Variants in CATSPER3 observed in about 807,000 individuals in gnomAD.
CATSPER3 encodes cation channel sperm associated 3.
In CATSPER3, 23 loss-of-function variants were observed where a neutral mutation model predicts 36.6. That is an observed-to-expected ratio of 0.63 (90% CI 0.45 to 0.89). The LOEUF is 0.89. Among genes scored for constraint, CATSPER3 ranks in the 40% least tolerant of loss-of-function variants. The pLI is 0.00. For synonymous variants in CATSPER3, 172 were observed against 184.1 expected, an observed-to-expected ratio of 0.93 and a Z score of 0.53; for missense variants, 474 against 503.9, an observed-to-expected ratio of 0.94 and a Z score of 0.57.
At chr5:135,007,112 G>C (rs188132825) in intron 3 of CATSPER3, among the ~76,000 whole-genome samples, 15 of 152,272 alleles carry the variant, frequency 9.9e-5, no homozygotes, top group African/African-American at 3.6e-4. Flanking sequence ...AACAGTCTCT[G>C]TGCTCAGGGT....
chr5:135,000,191 G>A (rs1752003057), intron 3 of CATSPER3, among the ~76,000 whole-genome samples: 2 of 152,168 alleles, frequency 1.3e-5, no homozygotes, highest in South Asian at 4.1e-4. Context: ...CTTTGGTTCT[G>A]TTTATATGAT....
intron 2 of CATSPER3, among the ~76,000 whole-genome samples, chr5:134,979,219 C>T (rs1393961882): frequency 1.3e-5 from 2 of 152,148 alleles, no homozygotes; most frequent in Admixed American, 6.5e-5. Context: ...TCGTTGCAGC[C>T]TCAGCTGCTT....
intron 2 of CATSPER3, among the ~76,000 whole-genome samples, chr5:134,982,745 A>G (rs548496504): frequency 3.6e-4 from 55 of 152,344 alleles, no homozygotes; most frequent in African/African-American, 1.3e-3. Context: ...AACTCATACA[A>G]AGAAATAAAG....
intron 2 of CATSPER3, among the ~76,000 whole-genome samples, chr5:134,991,612 T>G (rs1171807139): frequency 1.3e-5 from 2 of 152,198 alleles, no homozygotes; most frequent in African/African-American, 4.8e-5. Flanking sequence ...GACTGAAGTT[T>G]GACACCTACC....
intron 3 of CATSPER3, among the ~76,000 whole-genome samples, chr5:135,005,018 G>A (rs572149121): frequency 1.3e-5 from 2 of 152,228 alleles, no homozygotes; most frequent in Admixed American, 1.3e-4. Flanking sequence ...GGAACAGGGC[G>A]GAGGGCAGGG....
intron 2 of CATSPER3, among the ~76,000 whole-genome samples, chr5:134,970,333 G>T (rs1001990310): frequency 6.6e-6 from 1 of 151,864 alleles, no homozygotes; most frequent in Non-Finnish European, 1.5e-5. Context: ...AGCTAATTTT[G>T]TATTTTTAGT....
chr5:134,991,181 G>T (rs930225825), intron 2 of CATSPER3, among the ~76,000 whole-genome samples: 3 of 152,190 alleles, frequency 2.0e-5, no homozygotes, highest in African/African-American at 7.2e-5. Context: ...TCATGGAAGA[G>T]ATTTAATCTT....
intron 2 of CATSPER3, among the ~76,000 whole-genome samples, chr5:134,973,437 A>G (rs1382651409): frequency 6.6e-6 from 1 of 152,194 alleles, no homozygotes; most frequent in African/African-American, 2.4e-5. Flanking sequence ...CAATTGAGTA[A>G]TTATGGGACA....
At chr5:134,974,403 A>C (rs1398176598) in intron 2 of CATSPER3, among the ~76,000 whole-genome samples, 1 of 152,230 alleles carries the variant, frequency 6.6e-6, no homozygotes, top group Non-Finnish European at 1.5e-5. Context: ...AATGCAAGGT[A>C]TTAATTACTA....
At chr5:134,996,661 A>C in intron 3 of CATSPER3, 149 bp downstream of exon 3, 180 of 719,440 alleles carry the variant, frequency 2.5e-4, no homozygotes, top group Middle Eastern at 4.0e-4. Flanking sequence ...ATATTATCTC[A>C]TTTAATCTTA....
At chr5:134,995,599 G>A (rs1009711548) in intron 2 of CATSPER3, 1 of 160,078 alleles carries the variant, frequency 6.2e-6, no homozygotes, top group Admixed American at 5.8e-5. Context: ...CTTACTCATT[G>A]TTGCATTTCC....
intron 2 of CATSPER3, among the ~76,000 whole-genome samples, chr5:134,980,381 C>A (rs1751735823): frequency 6.8e-6 from 1 of 147,996 alleles, no homozygotes; most frequent in Non-Finnish European, 1.5e-5. Flanking sequence ...TCCTTCCCTC[C>A]CTCCTTCCCT....
intron 3 of CATSPER3, among the ~76,000 whole-genome samples, chr5:135,004,186 A>G (rs1752056439): frequency 6.6e-6 from 1 of 152,162 alleles, no homozygotes; most frequent in South Asian, 2.1e-4. Context: ...TCCTCTCTCA[A>G]GCTTTGTTGT....
intron 4 of CATSPER3, 34 bp downstream of exon 4, chr5:135,008,173 G>A: frequency 6.3e-7 from 1 of 1,580,534 alleles, no homozygotes; most frequent in Non-Finnish European, 8.7e-7. Context: ...GAGGGCAGGG[G>A]CCTTAGGAAG....
rs374943804 is a variant in CATSPER3 at position 134,986,651 on chromosome 5, C to T, written c.253-9622C>T. On this transcript the variant is annotated intron_variant, in intron 2 of 7. Coordinates refer to ENST00000282611, the MANE Select transcript of CATSPER3 (RefSeq NM_178019.3). ...TAATTTTTGTATTCTTTAGTGGAGA[C>T]GGGGTTTTGCCATGTTGGCCAGGCT... Among the ~76,000 whole-genome samples the T allele has an allele frequency of 4.6e-5, 7 of 151,404 alleles. No homozygotes were observed. In the East Asian group the frequency reaches 7.8e-4, roughly 17 times the overall value.
intron 2 of CATSPER3, among the ~76,000 whole-genome samples, chr5:134,974,713 G>A (rs1012371156): frequency 6.6e-6 from 1 of 152,298 alleles, no homozygotes; most frequent in Admixed American, 6.5e-5. Flanking sequence ...AGAGGCAGTC[G>A]AGGTGGTGGG....
intron 3 of CATSPER3, among the ~76,000 whole-genome samples, chr5:135,007,498 A>G (rs569314085): frequency 3.4e-4 from 52 of 152,316 alleles, no homozygotes; most frequent in African/African-American, 1.1e-3. Context: ...GTCGACAAGG[A>G]CCAGGGAGCC....
chr5:134,998,794 C>A (rs547208406), intron 3 of CATSPER3, among the ~76,000 whole-genome samples: 2 of 151,736 alleles, frequency 1.3e-5, no homozygotes, highest in African/African-American at 4.8e-5. Context: ...AATTTAAGTT[C>A]TTTGAGATTC....
intron 6 of CATSPER3, among the ~76,000 whole-genome samples, chr5:135,009,991 C>T (rs1002316408): frequency 6.6e-6 from 1 of 152,192 alleles, no homozygotes; most frequent in African/African-American, 2.4e-5. Context: ...TCCCCCTGAG[C>T]CTGAGTGCTC....
Sources: allele counts gnomAD v4.1 joint callset (sites outside exome capture counted in the v4.1 genomes callset), GRCh38; gene constraint gnomAD v4.1.1; transcripts MANE v1.5; gene names NCBI Gene and HGNC (gene_info 2026-07-23, HGNC 2026-07-21).